SOX5: variants seen among roughly 807,000 people sequenced by gnomAD.
SOX5 encodes transcription factor SOX-5.
A neutral mutation model predicts 92.0 loss-of-function variants in SOX5; 9 were observed. The ratio of observed to expected loss-of-function variants is 0.10; its 90% CI spans 0.06 to 0.17. The LOEUF (loss-of-function observed/expected upper bound fraction) is 0.17, where lower values mean the gene tolerates loss of function less well. Among genes scored for constraint, SOX5 ranks in the 10% least tolerant of loss-of-function variants. The pLI is 1.00. For missense variants in SOX5, 642 were observed against 944.5 expected (o/e 0.68, Z 4.20); for synonymous variants, 344 against 336.3 (o/e 1.02, Z -0.25).
Position 24,253,520 on chromosome 12 carries a change from G to A in SOX5, c.-77+23696C>T, listed in dbSNP as rs548512308. On this transcript the variant is annotated intron_variant, in intron 3 of 4. Coordinates refer to the SOX5 transcript ENST00000446891. Reference sequence around the variant, plus strand: ...GTGTCTTTAAAGCAAAGATGGAAACGGCAAAACAAAAGGAAAACAAGAGCA... The same window carrying A: ...GTGTCTTTAAAGCAAAGATGGAAACAGCAAAACAAAAGGAAAACAAGAGCA... 1.1e-4 allele frequency among the ~76,000 whole-genome samples: 17 copies of A among 152,108 alleles called. 1 individual carries two copies. The highest frequency in any genetic ancestry group is 6.8e-3 in the Middle Eastern group (2 of 294).
intron 3 of SOX5, among the ~76,000 whole-genome samples, chr12:23,810,371 GC>G (rs1280090162): frequency 1.3e-5 from 2 of 152,016 alleles, no homozygotes; most frequent in Non-Finnish European, 2.9e-5. Flanking sequence ...CCTTTAAAAA[GC>G]CCACAAATTG....
chr12:23,710,415 G>A (rs1036017456), intron 6 of SOX5, among the ~76,000 whole-genome samples: 3 of 151,788 alleles, frequency 2.0e-5, no homozygotes, highest in African/African-American at 4.8e-5. Flanking sequence ...AACAGGCCCC[G>A]GTGTGTGATG....
At chr12:23,929,857 G>A (rs909660360) in intron 1 of SOX5, among the ~76,000 whole-genome samples, 2 of 151,884 alleles carry the variant, frequency 1.3e-5, no homozygotes, top group African/African-American at 2.4e-5. Flanking sequence ...CAGCATTGAA[G>A]TTTATCAGAG....
intron 4 of SOX5, among the ~76,000 whole-genome samples, chr12:24,147,274 GTTGT>G (rs1951185175): frequency 6.6e-6 from 1 of 152,082 alleles, no homozygotes; most frequent in Non-Finnish European, 1.5e-5. Context: ...GGAATGCAAG[GTTGT>G]TTTAAAATTT....
intron 4 of SOX5, among the ~76,000 whole-genome samples, chr12:24,012,099 C>A (rs1199285049): frequency 6.9e-6 from 1 of 145,940 alleles, no homozygotes; most frequent in Non-Finnish European, 1.5e-5. Context: ...CAAAAACTTA[C>A]AAAATTTCAT....
chr12:24,056,639 T>G (rs1033312873), intron 4 of SOX5, among the ~76,000 whole-genome samples: 1 of 151,992 alleles, frequency 6.6e-6, no homozygotes, highest in Non-Finnish European at 1.5e-5. Flanking sequence ...TGCACAAACT[T>G]CTATGGGCCT....
intron 3 of SOX5, among the ~76,000 whole-genome samples, chr12:24,258,040 G>GCT (rs1941503178): frequency 6.6e-6 from 1 of 152,070 alleles, no homozygotes. Context: ...GGGCGCGGTG[G>GCT]CGGGCACCTG....
chr12:23,958,679 A>C (rs1017672454), intron 4 of SOX5, among the ~76,000 whole-genome samples: 12 of 151,226 alleles, frequency 7.9e-5, no homozygotes, highest in Non-Finnish European at 1.5e-4. Context: ...ATATACAATA[A>C]AATTATAAAA....
At chr12:23,772,128 T>C (rs1215735575) in intron 3 of SOX5, among the ~76,000 whole-genome samples, 1 of 152,208 alleles carries the variant, frequency 6.6e-6, no homozygotes, top group Non-Finnish European at 1.5e-5. Context: ...CCTAAATATC[T>C]ACAAATGTGA....
In SOX5 at chr12:23,776,633, G is replaced by C. The variant is rs187353680; in HGVS notation, c.482-20909C>G. Among the ~76,000 whole-genome samples, 28 of 152,096 alleles carry C rather than the reference G, an allele frequency of 1.8e-4. No homozygotes were observed. In the East Asian group the frequency reaches 4.6e-3, roughly 25 times the overall value. ...GTGGAAGACATTTTTTTTTAACAGG[G>C]GGATGGTGGAAGGGAGGATAATTTT... On this transcript the variant is annotated intron_variant, in intron 3 of 14. Transcript: ENST00000451604.
chr12:24,005,110 TC>T (rs1200446638), intron 4 of SOX5, among the ~76,000 whole-genome samples: 2 of 151,914 alleles, frequency 1.3e-5, no homozygotes, highest in African/African-American at 4.8e-5. Flanking sequence ...GCATGAGGTA[TC>T]TTTTTGAGGA....
At chr12:23,717,401 A>G (rs1314885408) in intron 6 of SOX5, among the ~76,000 whole-genome samples, 3 of 152,136 alleles carry the variant, frequency 2.0e-5, no homozygotes, top group Non-Finnish European at 4.4e-5. Flanking sequence ...TCAGCCCTCA[A>G]CCATAATTTT....
chr12:23,543,955 C>T (rs908709806), intron 12 of SOX5, among the ~76,000 whole-genome samples: 1 of 152,176 alleles, frequency 6.6e-6, no homozygotes, highest in Non-Finnish European at 1.5e-5. Flanking sequence ...AAATTATATG[C>T]TGACAAATGC....
intron 1 of SOX5, among the ~76,000 whole-genome samples, chr12:24,491,453 C>T (rs1233574278): frequency 6.6e-6 from 1 of 151,414 alleles, no homozygotes; most frequent in Non-Finnish European, 1.5e-5. Flanking sequence ...GAGTCACTTG[C>T]TAGTGTTTGG....
At chr12:23,944,665 T>A (rs1036734457) in intron 1 of SOX5, among the ~76,000 whole-genome samples, 1 of 152,140 alleles carries the variant, frequency 6.6e-6, no homozygotes, top group Admixed American at 6.6e-5. Flanking sequence ...GCAATCAAAT[T>A]TCACATTTAA....
intron 1 of SOX5, among the ~76,000 whole-genome samples, chr12:24,456,630 G>C (rs1024317664): frequency 3.9e-5 from 6 of 152,154 alleles, no homozygotes; most frequent in African/African-American, 1.2e-4. Context: ...GTTCAGTTAG[G>C]TCATGTGGGA....
chr12:24,035,093 A>T (rs1337275062), intron 4 of SOX5, among the ~76,000 whole-genome samples: 1 of 152,112 alleles, frequency 6.6e-6, no homozygotes, highest in African/African-American at 2.4e-5. Flanking sequence ...TGTACCTAGC[A>T]AATTATTAGT....
intron 4 of SOX5, among the ~76,000 whole-genome samples, chr12:24,179,067 G>A (rs570951896): frequency 7.5e-4 from 114 of 152,222 alleles, no homozygotes; most frequent in Admixed American, 2.9e-3. Context: ...TGATATCAGC[G>A]GGCTTGTTAC....
intron 4 of SOX5, among the ~76,000 whole-genome samples, chr12:24,202,408 T>C (rs886958375): frequency 2.0e-5 from 3 of 152,184 alleles, no homozygotes; most frequent in Admixed American, 2.0e-4. Flanking sequence ...TGTCCATATA[T>C]TCTTTACTCA....
Sources: gnomAD v4.1 joint callset for allele counts (sites outside exome capture counted in the v4.1 genomes callset) on GRCh38, gnomAD v4.1.1 for gene constraint, MANE v1.5 for transcripts, NCBI Gene and HGNC (gene_info 2026-07-23, HGNC 2026-07-21) for gene names.